The following ZNF423 variants were observed in gnomAD, a reference collection of about 807,000 sequenced individuals.
The protein encoded by ZNF423 is zinc finger protein 423, also known as Ebf-associated zinc finger protein.
In ZNF423, 12 loss-of-function variants were observed where a neutral mutation model predicts 95.8. That is an observed-to-expected ratio of 0.13 (90% CI 0.08 to 0.20). The LOEUF (loss-of-function observed/expected upper bound fraction) is 0.20, where lower values mean the gene tolerates loss of function less well. Among genes scored for constraint, ZNF423 ranks in the 10% least tolerant of loss-of-function variants. The pLI is 1.00. For missense variants in ZNF423, 1,316 were observed against 1,737.1 expected, an observed-to-expected ratio of 0.76 and a Z score of 4.31; for synonymous variants, 749 against 711.9, an observed-to-expected ratio of 1.05 and a Z score of -0.83.
intron 3 of ZNF423, among the ~76,000 whole-genome samples, chr16:49,661,949 T>C (rs2030253318): frequency 6.6e-6 from 1 of 152,206 alleles, no homozygotes; most frequent in Admixed American, 6.5e-5. Flanking sequence ...TGAGATCAGA[T>C]ACCGCAGGTT....
Position 49,557,555 on chromosome 16 carries a change from C to T in ZNF423, c.3602-32061G>A, listed in dbSNP as rs375270342. 7.9e-5 allele frequency among the ~76,000 whole-genome samples: 12 copies of T among 152,276 alleles called. No individual in the cohort carries two copies. The East Asian group carries it at 1.2e-3, about 15-fold the overall frequency. On this transcript the variant is annotated intron_variant, in intron 5 of 7. Coordinates refer to ENST00000563137, the MANE Select transcript of ZNF423 (RefSeq NM_001379286.1). ...GGGACACGGGTGCTTGGGTGGAAAA[C>T]GATGGCATGGCTGCAGGCCCCTGAT...
At chr16:49,686,571 G>A (rs1475140663) in intron 3 of ZNF423, among the ~76,000 whole-genome samples, 2 of 152,026 alleles carry the variant, frequency 1.3e-5, no homozygotes, top group Non-Finnish European at 2.9e-5. Context: ...TGCCCTCCCA[G>A]CCTTTCCTGC....
intron 3 of ZNF423, among the ~76,000 whole-genome samples, chr16:49,713,972 C>A (rs980409300): frequency 6.6e-6 from 1 of 152,158 alleles, no homozygotes; most frequent in Non-Finnish European, 1.5e-5. Flanking sequence ...AACTCCATCA[C>A]GCCTCCCACA....
In ZNF423 at chr16:49,614,235, A is replaced by C. The variant is rs149363492; in HGVS notation, c.3601+11935T>G. Reference sequence around the variant, plus strand: ...TAGCCATTAAGGAAATGCAAATTAAAAGCACAATGAGATATCACAATGCAA... The same window carrying C: ...TAGCCATTAAGGAAATGCAAATTAACAGCACAATGAGATATCACAATGCAA... On this transcript the variant is annotated intron_variant, in intron 5 of 7. Transcript: ENST00000563137. Among the ~76,000 whole-genome samples, 314 of 152,376 alleles carry C rather than the reference A, an allele frequency of 2.1e-3. 1 individual carries two copies. The highest frequency in any genetic ancestry group is 7.0e-3 in the African/African-American group (291 of 41,592).
At chr16:49,524,246 T>C (rs1968515874) in intron 6 of ZNF423, among the ~76,000 whole-genome samples, 1 of 152,188 alleles carries the variant, frequency 6.6e-6, no homozygotes, top group Non-Finnish European at 1.5e-5. Context: ...AAGGTCCCAC[T>C]GCTAGCAAGT....
At chr16:49,562,244 G>C (rs1970040544) in intron 5 of ZNF423, among the ~76,000 whole-genome samples, 3 of 152,238 alleles carry the variant, frequency 2.0e-5, no homozygotes, top group Admixed American at 2.0e-4. Context: ...TTCTGAGCTT[G>C]CTTGGAAAGG....
intron 3 of ZNF423, among the ~76,000 whole-genome samples, chr16:49,724,518 C>A (rs1440080932): frequency 6.6e-6 from 1 of 152,194 alleles, no homozygotes; most frequent in Non-Finnish European, 1.5e-5. Flanking sequence ...CAAAACAGAG[C>A]CAGTTCGAGG....
chr16:49,499,248 C>T (rs887206162), intron 7 of ZNF423, among the ~76,000 whole-genome samples: 5 of 152,350 alleles, frequency 3.3e-5, no homozygotes, highest in East Asian at 3.9e-4. Context: ...CTTCCATGCA[C>T]GGGATGTGCG....
rs1030967277 is a variant in ZNF423 at position 49,517,964 on chromosome 16, G to A, written c.3849+5660C>T. On this transcript the variant is annotated intron_variant, in intron 7 of 7. Coordinates refer to ENST00000563137, the MANE Select transcript of ZNF423 (RefSeq NM_001379286.1). ...AGACCATTGTTTTTAGGAGCAGCAC[G>A]TCGTTTTGGAAACAAGGTACACTTT... is the stretch of plus-strand genomic sequence containing the variant. 4.0e-5 allele frequency: 18 copies of A among 453,490 alleles called. 1 individual carries two copies. The highest frequency in any genetic ancestry group is 1.4e-4 in the South Asian group (9 of 63,608). The allele number at this position is 453,490 out of a possible 1,614,324, so 28.1% of individuals were successfully genotyped here.
chr16:49,491,124 C>A lies in ZNF423; in HGVS notation c.*151G>T, dbSNP rs1567419523. The A allele has an allele frequency of 1.5e-5, 12 of 823,882 alleles. No individual in the cohort carries two copies. The highest frequency in any genetic ancestry group is 3.9e-5 in the Admixed American group (2 of 51,432). 51.0% of individuals were successfully genotyped at this position (823,882 alleles called of 1,614,324 possible). On this transcript the variant is annotated 3_prime_UTR_variant, in exon 8 of 8. Coordinates refer to ENST00000563137, the MANE Select transcript of ZNF423 (RefSeq NM_001379286.1). Reference sequence around the variant, plus strand: ...CTCTGCCATTAATATTCATTTCCAGCTGCTTATAATAGCAGCGCCTCATGG... The same window carrying A: ...CTCTGCCATTAATATTCATTTCCAGATGCTTATAATAGCAGCGCCTCATGG...
chr16:49,786,240 C>T (rs922699640), intron 2 of ZNF423, among the ~76,000 whole-genome samples: 1 of 152,236 alleles, frequency 6.6e-6, no homozygotes, highest in Admixed American at 6.5e-5. Flanking sequence ...TCAGGGCCCC[C>T]GCTCGAGGGC....
At chr16:49,784,237 A>G (rs1597005178) in intron 2 of ZNF423, among the ~76,000 whole-genome samples, 1 of 152,098 alleles carries the variant, frequency 6.6e-6, no homozygotes, top group Admixed American at 6.5e-5. Context: ...CAAGCGTTCA[A>G]GCAAAAACTT....
chr16:49,595,778 A>T (rs1261276587), intron 5 of ZNF423, among the ~76,000 whole-genome samples: 1 of 152,242 alleles, frequency 6.6e-6, no homozygotes, highest in East Asian at 1.9e-4. Flanking sequence ...TTTTTTTATT[A>T]CAGCAGAGAA....
chr16:49,546,312 C>A (rs1415373766), intron 5 of ZNF423, among the ~76,000 whole-genome samples: 1 of 152,170 alleles, frequency 6.6e-6, no homozygotes, highest in Non-Finnish European at 1.5e-5. Flanking sequence ...CCCCTCCATC[C>A]ACTTAAACTG....
intron 3 of ZNF423, among the ~76,000 whole-genome samples, chr16:49,701,414 T>C (rs2032178606): frequency 6.6e-6 from 1 of 151,808 alleles, no homozygotes; most frequent in Non-Finnish European, 1.5e-5. Flanking sequence ...CACGGGAGAT[T>C]GGACCATCTC....
chr16:49,693,968 G>A (rs2031880431), intron 3 of ZNF423, among the ~76,000 whole-genome samples: 1 of 152,176 alleles, frequency 6.6e-6, no homozygotes, highest in Non-Finnish European at 1.5e-5. Flanking sequence ...TCTTATAAAT[G>A]AAAGCTCAGA....
At chr16:49,574,791 CTGCTGCCTGTG>C (rs1388901495) in intron 5 of ZNF423, among the ~76,000 whole-genome samples, 1 of 152,214 alleles carries the variant, frequency 6.6e-6, no homozygotes, top group Admixed American at 6.5e-5. Context: ...ACCAGGCCTT[CTGCTGCCTGTG>C]TGCTGCCTGC....
At chr16:49,802,219 T>C (rs777311386) in intron 1 of ZNF423, among the ~76,000 whole-genome samples, 1 of 152,024 alleles carries the variant, frequency 6.6e-6, no homozygotes, top group Non-Finnish European at 1.5e-5. Context: ...CCAGATTGAG[T>C]AGGATCAGTC....
chr16:49,515,247 G>A (rs1256505027), intron 7 of ZNF423, among the ~76,000 whole-genome samples: 1 of 152,350 alleles, frequency 6.6e-6, no homozygotes. Context: ...GCCCCATGGC[G>A]TTCCCACCTG....
Sources: allele counts gnomAD v4.1 joint callset (sites outside exome capture counted in the v4.1 genomes callset), GRCh38; gene constraint gnomAD v4.1.1; transcripts MANE v1.5; gene names NCBI Gene and HGNC (gene_info 2026-07-23, HGNC 2026-07-21).